Variants in SPAG16 observed in about 807,000 individuals in gnomAD.
SPAG16 encodes sperm-associated antigen 16 protein.
A neutral mutation model predicts 80.4 loss-of-function variants in SPAG16; 86 were observed. That is an observed-to-expected ratio of 1.07 (90% CI 0.90 to 1.28). The LOEUF (loss-of-function observed/expected upper bound fraction) is 1.28, where lower values mean the gene tolerates loss of function less well. SPAG16 is among the 50% of genes most tolerant of loss of function. The probability of loss-of-function intolerance (pLI) is 0.00; values close to 1 mark genes in which losing one functional copy is unlikely to be tolerated. For missense variants in SPAG16, 870 were observed against 765.3 expected (o/e 1.14, Z -1.61); for synonymous variants, 294 against 265.9 (o/e 1.11, Z -1.03).
At chr2:214,130,495 C>G (rs1203722890) in intron 14 of SPAG16, among the ~76,000 whole-genome samples, 1 of 152,166 alleles carries the variant, frequency 6.6e-6, no homozygotes, top group Non-Finnish European at 1.5e-5. Flanking sequence ...TTCTGACATA[C>G]AGAGTGATGC....
chr2:214,162,957 G>T (rs1325593096), intron 15 of SPAG16, among the ~76,000 whole-genome samples: 1 of 151,976 alleles, frequency 6.6e-6, no homozygotes, highest in Non-Finnish European at 1.5e-5. Flanking sequence ...TGCAGCAATT[G>T]GTTGATTCAA....
At position 213,364,525 on chromosome 2, in the gene SPAG16, C is replaced by G. The variant is rs58982473; in HGVS notation, c.832+380C>G. The G allele has an allele frequency of 2.5e-3, 388 of 155,204 alleles. 3 individuals are homozygous for G. The highest frequency in any genetic ancestry group is 8.5e-3 in the African/African-American group (356 of 41,666). The allele number at this position is 155,204 out of a possible 1,614,324, so 9.6% of individuals were successfully genotyped here. A position where few individuals can be genotyped will look rare whatever the true frequency, so the allele number is the denominator to read the frequency against. On this transcript the variant is annotated intron_variant, in intron 8 of 15. Coordinates refer to ENST00000331683, the MANE Select transcript of SPAG16 (RefSeq NM_024532.5). ...ATTTATAAGGTGAGCTCTGCCATCA[C>G]CATGGCTTTGGGTCTGTGGAAAGTT...
chr2:214,146,591 A>G (rs1380943878), intron 14 of SPAG16, among the ~76,000 whole-genome samples: 3 of 152,238 alleles, frequency 2.0e-5, no homozygotes, highest in Non-Finnish European at 2.9e-5. Context: ...AAACACTGTA[A>G]TAGACACTGC....
chr2:213,325,340 A>G (rs940427806), intron 5 of SPAG16, among the ~76,000 whole-genome samples: 1 of 152,030 alleles, frequency 6.6e-6, no homozygotes, highest in Non-Finnish European at 1.5e-5. Flanking sequence ...AAAACGCTTA[A>G]AATATAGATT....
intron 13 of SPAG16, among the ~76,000 whole-genome samples, chr2:214,043,762 CA>C (rs911358646): frequency 6.6e-6 from 1 of 152,022 alleles, no homozygotes; most frequent in African/African-American, 2.4e-5. Flanking sequence ...GTATCTGAGA[CA>C]GAATGAAGAT....
At chr2:213,395,389 C>T (rs1219806919) in intron 9 of SPAG16, among the ~76,000 whole-genome samples, 3 of 152,118 alleles carry the variant, frequency 2.0e-5, no homozygotes, top group Admixed American at 6.5e-5. Flanking sequence ...ATTGTTTTTG[C>T]TGAATCCCAC....
At position 213,355,387 on chromosome 2, in the gene SPAG16, C is replaced by G. The variant is rs925538530; in HGVS notation, c.762+4742C>G. On this transcript the variant is annotated intron_variant, in intron 7 of 15. Transcript: ENST00000331683. ...CATATGAACTTTAAAGTAGTTTTCT[C>G]TAACTCTGTGAAGAAAGTCATTGGT... Among the ~76,000 whole-genome samples the G allele has an allele frequency of 2.0e-5, 3 of 151,844 alleles. No homozygotes were observed. The East Asian group carries it at 5.8e-4, about 29-fold the overall frequency.
chr2:213,920,258 A>G (rs892156344), intron 11 of SPAG16, among the ~76,000 whole-genome samples: 1 of 152,148 alleles, frequency 6.6e-6, no homozygotes, highest in Non-Finnish European at 1.5e-5. Context: ...TGTGCCTTTT[A>G]ATTAGGGCAT....
At chr2:213,341,243 A>G (rs963637487) in intron 6 of SPAG16, among the ~76,000 whole-genome samples, 3 of 152,136 alleles carry the variant, frequency 2.0e-5, no homozygotes, top group African/African-American at 7.2e-5. Context: ...CCTAAAACAA[A>G]ACTTCAATGA....
intron 8 of SPAG16, 95 bp from the exon 9 acceptor site, chr2:213,374,915 G>A: frequency 1.3e-6 from 1 of 761,732 alleles, no homozygotes. Flanking sequence ...AAAAATACAT[G>A]CATCATTGAG....
chr2:213,653,753 G>A (rs1017179384), intron 10 of SPAG16, among the ~76,000 whole-genome samples: 1 of 151,716 alleles, frequency 6.6e-6, no homozygotes, highest in Admixed American at 6.6e-5. Flanking sequence ...TTTTCCTTTG[G>A]AACTATAAAC....
intron 1 of SPAG16, among the ~76,000 whole-genome samples, chr2:213,285,366 T>G (rs2062014971): frequency 6.6e-6 from 1 of 152,206 alleles, no homozygotes; most frequent in Admixed American, 6.5e-5. Flanking sequence ...CTTTAGAACT[T>G]CTTTCCTCTA....
At chr2:213,693,871 C>T (rs561149351) in intron 10 of SPAG16, among the ~76,000 whole-genome samples, 1 of 152,202 alleles carries the variant, frequency 6.6e-6, no homozygotes, top group South Asian at 2.1e-4. Context: ...GAAACCCTAT[C>T]TAAAGGAAGC....
At chr2:213,739,252 T>C (rs2067431738) in intron 10 of SPAG16, among the ~76,000 whole-genome samples, 1 of 152,230 alleles carries the variant, frequency 6.6e-6, no homozygotes, top group Non-Finnish European at 1.5e-5. Flanking sequence ...CTATTACTTG[T>C]ACTTCAACAG....
intron 9 of SPAG16, among the ~76,000 whole-genome samples, chr2:213,417,457 C>T (rs2069325890): frequency 6.6e-6 from 1 of 152,158 alleles, no homozygotes; most frequent in African/African-American, 2.4e-5. Context: ...ACCTGTTTTT[C>T]TCCTTTTTCA....
rs1157384132 is a variant in SPAG16 at position 213,482,400 on chromosome 2, G to A, written c.943-7563G>A. Among the ~76,000 whole-genome samples the A allele has an allele frequency of 2.0e-5, 3 of 152,152 alleles. No homozygotes were observed. In the East Asian group the frequency reaches 5.8e-4, roughly 29 times the overall value. ...TACTAAACATCCCGATGCTGAATTT[G>A]TCTCAGTTTAAGGAAATGTCAGCAG... On this transcript the variant is annotated intron_variant, in intron 9 of 15. Transcript: ENST00000331683.
intron 10 of SPAG16, among the ~76,000 whole-genome samples, chr2:213,749,753 C>T (rs2067998432): frequency 2.0e-5 from 3 of 151,714 alleles, no homozygotes; most frequent in Non-Finnish European, 4.4e-5. Flanking sequence ...TTATTTTGTT[C>T]TCCTTCTTTC....
chr2:214,170,393 C>T (rs1372090502), intron 15 of SPAG16, among the ~76,000 whole-genome samples: 3 of 152,052 alleles, frequency 2.0e-5, no homozygotes, highest in Non-Finnish European at 2.9e-5. Flanking sequence ...TCATCATCTA[C>T]TGATTAGCTT....
chr2:214,065,224 G>A (rs2050476447), intron 13 of SPAG16, among the ~76,000 whole-genome samples: 1 of 151,942 alleles, frequency 6.6e-6, no homozygotes, highest in Admixed American at 6.6e-5. Context: ...TAAGCATTAT[G>A]TCACTAATAT....
Sources: allele counts gnomAD v4.1 joint callset (sites outside exome capture counted in the v4.1 genomes callset), GRCh38; gene constraint gnomAD v4.1.1; transcripts MANE v1.5; gene names NCBI Gene and HGNC (gene_info 2026-07-23, HGNC 2026-07-21).